The following ZMYM4 variants were observed in gnomAD, a reference collection of about 807,000 sequenced individuals.
The protein encoded by ZMYM4 is zinc finger MYM-type protein 4.
ZMYM4 carries 31 observed loss-of-function variants against 183.2 expected under a neutral mutation model. The observed-to-expected ratio is 0.17, with a 90% CI of 0.13 to 0.23. ZMYM4 has a LOEUF of 0.23. Ranked by LOEUF, ZMYM4 falls within the 10% of genes least tolerant of loss-of-function variation. The pLI is 1.00. For missense variants in ZMYM4, 1,273 were observed against 1,840.3 expected (o/e 0.69, Z 5.64); for synonymous variants, 592 against 631.2 (o/e 0.94, Z 0.93).
At chr1:35,338,563 A>G (rs1301383759) in intron 2 of ZMYM4, among the ~76,000 whole-genome samples, 1 of 152,172 alleles carries the variant, frequency 6.6e-6, no homozygotes, top group African/African-American at 2.4e-5. Flanking sequence ...AGGAAAGACT[A>G]GTTTTATCCA....
intron 18 of ZMYM4, among the ~76,000 whole-genome samples, chr1:35,395,367 G>A (rs534413881): frequency 1.4e-5 from 2 of 148,044 alleles, no homozygotes; most frequent in South Asian, 2.2e-4. Flanking sequence ...CAGCTGAGGC[G>A]GGAGGATCAC....
At chr1:35,404,855 A>G in intron 23 of ZMYM4, 168 bp from the exon 24 acceptor site, 1 of 584,172 alleles carries the variant, frequency 1.7e-6, no homozygotes, top group Non-Finnish European at 2.8e-6. Context: ...TATGGATTGG[A>G]TTAAATAATC....
chr1:35,373,544 ATTTTTTTTTTTTT>A (rs202022428), intron 7 of ZMYM4, among the ~76,000 whole-genome samples: 4,400 of 122,828 alleles, frequency 0.036, 252 homozygotes, highest in East Asian at 0.29. Context: ...TGCACAGCTA[ATTTTTTTTTTTTT>A]TTTTTTTTTG....
At chr1:35,302,975 CAA>C (rs775738760) in intron 1 of ZMYM4, among the ~76,000 whole-genome samples, 22 of 108,400 alleles carry the variant, frequency 2.0e-4, no homozygotes, top group African/African-American at 2.5e-4. Flanking sequence ...ACACTGTCTC[CAA>C]AAAAAAAAAA....
chr1:35,413,848 T>C, intron 26 of ZMYM4, 124 bp from the exon 27 acceptor site: 1 of 579,826 alleles, frequency 1.7e-6, no homozygotes, highest in Non-Finnish European at 3.0e-6. Flanking sequence ...ACTGAGAGGT[T>C]AAACATGGTT....
intron 1 of ZMYM4, among the ~76,000 whole-genome samples, chr1:35,276,529 A>G (rs369872146): frequency 2.5e-4 from 38 of 152,276 alleles, no homozygotes; most frequent in African/African-American, 8.9e-4. Context: ...ATTTGTTTAA[A>G]TCATCCAACT....
At chr1:35,278,405 A>G (rs1329925179) in intron 1 of ZMYM4, among the ~76,000 whole-genome samples, 1 of 148,520 alleles carries the variant, frequency 6.7e-6, no homozygotes, top group African/African-American at 2.5e-5. Context: ...AAAAGTCTCG[A>G]CCTATTACAG....
rs1230678234 is a variant in ZMYM4 at position 35,393,705 on chromosome 1, C to A, written c.2877C>A (p.Cys959Ter). The change falls in exon 18 of 30, where the codon TGC becomes TGA. Residue 959 changes from cysteine (C) to a stop codon, truncating the protein, a stop_gained. Coordinates refer to ENST00000314607, the MANE Select transcript of ZMYM4 (RefSeq NM_005095.3). LOFTEE classifies it high-confidence loss of function. ...KPITQTKATSCKPHTQNKECQ... is the reference protein window; with the variant it reads ...KPITQTKATS ...TCACACAGACTAAAGCCACCTCTTG[C>A]AAACCACATACCCAAAACAAAGAAT... 1 of 1,611,042 alleles carries A rather than the reference C, an allele frequency of 6.2e-7. No homozygotes were observed. The highest frequency in any genetic ancestry group is 8.5e-7 in the Non-Finnish European group (1 of 1,178,326).
At chr1:35,408,956 C>T (rs1012742818) in intron 26 of ZMYM4, among the ~76,000 whole-genome samples, 2 of 152,182 alleles carry the variant, frequency 1.3e-5, no homozygotes, top group Non-Finnish European at 2.9e-5. Context: ...CCACCCATCC[C>T]TGGCAACCAT....
At chr1:35,321,106 A>G (rs1246706024) in intron 1 of ZMYM4, among the ~76,000 whole-genome samples, 1 of 152,214 alleles carries the variant, frequency 6.6e-6, no homozygotes, top group East Asian at 1.9e-4. Context: ...TACAAAAAGA[A>G]TGGGATATGA....
intron 29 of ZMYM4, 68 bp from the exon 30 acceptor site, chr1:35,419,402 T>C (rs1310808627): frequency 4.6e-6 from 7 of 1,530,910 alleles, no homozygotes; most frequent in East Asian, 2.3e-5. Context: ...TTAAGAATAG[T>C]ACATATTTCC....
At position 35,370,419 on chromosome 1, in the gene ZMYM4, A is replaced by T. The variant is rs755426507; in HGVS notation, c.973A>T (p.Met325Leu). 6.4e-7 allele frequency: 1 copy of T among 1,571,936 alleles called. No individual in the cohort carries two copies. Among genetic ancestry groups the T allele is most frequent in the Non-Finnish European group, 8.6e-7 (1 of 1,168,420 alleles). The stretch of plus-strand genomic sequence containing the variant: ...TCAGCCCTCACTGGCGTCATCTGGC[A>T]TGAATAAAATGCTTCCTTCAGTTCC... ...GFQPSLASSG[M>L]NKMLPSVPAT... The change falls in exon 7 of 30, where the codon ATG (methionine) becomes TTG (leucine). Residue 325 changes from methionine (M) to leucine (L), a missense_variant. Met to Leu is a conservative substitution (Grantham distance 15). Coordinates refer to ENST00000314607, the MANE Select transcript of ZMYM4 (RefSeq NM_005095.3).
At chr1:35,295,955 A>G (rs1004853157) in intron 1 of ZMYM4, 1 of 152,218 alleles carries the variant, frequency 6.6e-6, no homozygotes, top group Non-Finnish European at 1.5e-5. Context: ...GCCACTGCCA[A>G]AGATCCCTGC....
At chr1:35,355,306 C>G (rs1478997408) in intron 2 of ZMYM4, among the ~76,000 whole-genome samples, 1 of 150,952 alleles carries the variant, frequency 6.6e-6, no homozygotes, top group Non-Finnish European at 1.5e-5. Context: ...CTTGGCCTCC[C>G]AAAGTGCTGG....
At chr1:35,336,080 C>T (rs1642963696) in intron 2 of ZMYM4, among the ~76,000 whole-genome samples, 1 of 152,170 alleles carries the variant, frequency 6.6e-6, no homozygotes, top group African/African-American at 2.4e-5. Context: ...ACCCATTGAT[C>T]AATAAGTCCT....
In ZMYM4 at chr1:35,278,586, T is replaced by C. The variant is rs377371891; in HGVS notation, c.39+9501T>C. 3.5e-3 allele frequency among the ~76,000 whole-genome samples: 527 copies of C among 152,204 alleles called. 2 individuals carry two copies. Among genetic ancestry groups the C allele is most frequent in the Non-Finnish European group, 4.8e-3 (328 of 68,000 alleles). ...GACTACAGGAGCGTGCCGCCATGCCTGGCTAATTTTTTGTATTTTTAGTGG... is the reference window on the plus strand; with the variant it reads ...GACTACAGGAGCGTGCCGCCATGCCCGGCTAATTTTTTGTATTTTTAGTGG... On this transcript the variant is annotated intron_variant, in intron 1 of 29. Transcript: ENST00000314607.
intron 1 of ZMYM4, among the ~76,000 whole-genome samples, chr1:35,316,335 A>G (rs1227361601): frequency 6.6e-6 from 1 of 152,144 alleles, no homozygotes; most frequent in Non-Finnish European, 1.5e-5. Flanking sequence ...CCTCACTTTT[A>G]TTTTGTTCTG....
At chr1:35,373,283 A>G (rs1449356528) in intron 7 of ZMYM4, among the ~76,000 whole-genome samples, 1 of 151,232 alleles carries the variant, frequency 6.6e-6, no homozygotes. Flanking sequence ...CCACAAGGGT[A>G]GGAACTTTGT....
intron 2 of ZMYM4, among the ~76,000 whole-genome samples, chr1:35,344,838 G>A (rs927642822): frequency 6.6e-6 from 1 of 152,066 alleles, no homozygotes; most frequent in Non-Finnish European, 1.5e-5. Flanking sequence ...GGCAATATTG[G>A]CCATATAAAA....
Sources: allele counts gnomAD v4.1 joint callset (sites outside exome capture counted in the v4.1 genomes callset), GRCh38; gene constraint gnomAD v4.1.1; transcripts MANE v1.5; gene names NCBI Gene and HGNC (gene_info 2026-07-23, HGNC 2026-07-21).